The following KYAT3 variants were observed in gnomAD, a reference collection of about 807,000 sequenced individuals.
KYAT3 encodes kynurenine aminotransferase 3.
In KYAT3, 50 loss-of-function variants were observed where a neutral mutation model predicts 59.0. The ratio of observed to expected loss-of-function variants is 0.85; its 90% confidence interval spans 0.68 to 1.07. The LOEUF is 1.07. Among genes scored for constraint, KYAT3 ranks in the 50% least tolerant of loss-of-function variants. The pLI, the probability that KYAT3 is intolerant of heterozygous loss-of-function variation, is 0.00. For missense variants in KYAT3, 497 were observed against 533.3 expected, an observed-to-expected ratio of 0.93 and a Z score of 0.67; for synonymous variants, 148 against 177.0, an observed-to-expected ratio of 0.84 and a Z score of 1.30.
chr1:88,987,029 A>G (rs2101096258), intron 2 of KYAT3, among the ~76,000 whole-genome samples: 1 of 152,368 alleles, frequency 6.6e-6, no homozygotes, highest in Non-Finnish European at 1.5e-5. Flanking sequence ...ACTGCTAGGT[A>G]TGGAGAGGGG....
chr1:88,987,451 T>G (rs1383893119), intron 2 of KYAT3, among the ~76,000 whole-genome samples: 1 of 152,102 alleles, frequency 6.6e-6, no homozygotes, highest in Non-Finnish European at 1.5e-5. Flanking sequence ...CTGAGAAAAT[T>G]TTAAACCAGT....
intron 2 of KYAT3, among the ~76,000 whole-genome samples, chr1:88,973,963 A>G (rs1027528699): frequency 1.3e-5 from 2 of 152,180 alleles, no homozygotes; most frequent in African/African-American, 4.8e-5. Flanking sequence ...GGCTGTGGAT[A>G]TCTGTGTAGT....
chr1:88,981,820 G>C, intron 2 of KYAT3: 1 of 328,396 alleles, frequency 3.0e-6, no homozygotes, highest in Non-Finnish European at 4.4e-6. Flanking sequence ...TCACTTTTTA[G>C]AAGTCATAAG....
chr1:88,985,926 A>G (rs1308768536), intron 2 of KYAT3, among the ~76,000 whole-genome samples: 1 of 152,186 alleles, frequency 6.6e-6, no homozygotes, highest in Non-Finnish European at 1.5e-5. Context: ...CATGCCTGTA[A>G]TCTCAGCACT....
At chr1:88,949,322 T>A in intron 10 of KYAT3, 45 bp from the exon 11 acceptor site, 1 of 1,341,116 alleles carries the variant, frequency 7.5e-7, no homozygotes, top group Non-Finnish European at 1.0e-6. Flanking sequence ...TATGGCAATG[T>A]TATTTATTGC....
chr1:88,968,729 T>C lies in KYAT3; in HGVS notation c.244A>G (p.Lys82Glu), dbSNP rs1185217970. 1.2e-6 allele frequency: 2 copies of C among 1,601,254 alleles called. No individual in the cohort carries two copies. The highest frequency in any genetic ancestry group is 1.7e-6 in the Non-Finnish European group (2 of 1,176,446). ...FPDISPPTYV[K>E]EELSKIAAID... ...GCTGCAATCTTTGATAATTCTTCTT[T>C]TACATATGTAGGAGGGGATATATCT... is the stretch of plus-strand genomic sequence containing the variant. The change falls in exon 4 of 14, where the codon AAA becomes GAA. Residue 82 changes from lysine to glutamate, a missense_variant. By Grantham distance (56) the Lys-to-Glu change is moderately conservative. Around this residue, in one of 2 missense-constraint regions of KYAT3, gnomAD observed 469 missense variants for 479.1 expected, o/e 0.98. Transcript: ENST00000260508.
At chr1:88,960,321 ATTTC>A (rs986768352) in intron 8 of KYAT3, among the ~76,000 whole-genome samples, 1 of 151,950 alleles carries the variant, frequency 6.6e-6, no homozygotes, top group Non-Finnish European at 1.5e-5. Flanking sequence ...TTATTCAACA[ATTTC>A]TTTCTAATTC....
chr1:88,950,299 C>T (rs1675617761), intron 10 of KYAT3, among the ~76,000 whole-genome samples: 1 of 152,054 alleles, frequency 6.6e-6, no homozygotes, highest in Non-Finnish European at 1.5e-5. Context: ...GATTTTATGC[C>T]AAAAGAATGC....
intron 11 of KYAT3, among the ~76,000 whole-genome samples, chr1:88,947,344 T>G (rs565617145): frequency 6.6e-4 from 101 of 152,298 alleles, no homozygotes; most frequent in African/African-American, 2.4e-3. Flanking sequence ...CACCTGCTGG[T>G]TGAGTGTGTA....
In KYAT3 at chr1:88,988,372, T is replaced by C. The variant is rs41288371; in HGVS notation, c.-1-21A>G. ...ACATGCTATTAAATAAAAGAAAAAT[T>C]GAGAAGAGGAATAAATATATGATGG... is the stretch of plus-strand genomic sequence containing the variant. On this transcript the variant is annotated intron_variant, in intron 1 of 13. Transcript: ENST00000260508. 12,883 of 1,463,088 alleles carry C rather than the reference T, an allele frequency of 8.8e-3. 73 individuals are homozygous for C. The highest frequency in any genetic ancestry group is 0.011 in the Non-Finnish European group (10,982 of 1,044,802). The allele number at this position is 1,463,088 out of a possible 1,614,324, so 90.6% of individuals were successfully genotyped here.
chr1:88,955,578 G>A (rs1264551622), intron 8 of KYAT3, among the ~76,000 whole-genome samples: 3 of 152,210 alleles, frequency 2.0e-5, no homozygotes, highest in African/African-American at 7.2e-5. Flanking sequence ...AGCAGTGACT[G>A]CAGGTTCGAT....
At chr1:88,956,882 T>C (rs1203456694) in intron 8 of KYAT3, among the ~76,000 whole-genome samples, 1 of 152,242 alleles carries the variant, frequency 6.6e-6, no homozygotes, top group African/African-American at 2.4e-5. Context: ...AGTAATTTAC[T>C]TGTGAAGTTC....
chr1:88,948,762 C>T (rs1405363140), intron 11 of KYAT3, among the ~76,000 whole-genome samples: 2 of 152,252 alleles, frequency 1.3e-5, no homozygotes, highest in African/African-American at 2.4e-5. Flanking sequence ...AAGGAAACTA[C>T]AATTTTACTC....
chr1:88,955,332 T>A, intron 8 of KYAT3, 107 bp from the exon 9 acceptor site: 1 of 697,310 alleles, frequency 1.4e-6, no homozygotes, highest in Non-Finnish European at 2.4e-6. Context: ...ATAAGTGTGT[T>A]ATAATTTAGC....
the KYAT3 span, among the ~76,000 whole-genome samples, chr1:88,928,524 TC>T: frequency 1.3e-5 from 2 of 152,072 alleles, no homozygotes; most frequent in Non-Finnish European, 2.9e-5. Flanking sequence ...AAAAAGATTG[TC>T]CAAGTAGAAG....
chr1:88,926,105 T>G, the KYAT3 span, among the ~76,000 whole-genome samples: 179 of 152,352 alleles, frequency 1.2e-3, no homozygotes, highest in Middle Eastern at 0.014. Flanking sequence ...GAAACCTCAT[T>G]GTGAGCACAC....
intron 8 of KYAT3, among the ~76,000 whole-genome samples, chr1:88,960,852 C>A (rs1423721754): frequency 6.6e-6 from 1 of 152,206 alleles, no homozygotes; most frequent in African/African-American, 2.4e-5. Context: ...TTTTCAGGCA[C>A]AAGAAAGCTC....
intron 2 of KYAT3, among the ~76,000 whole-genome samples, chr1:88,986,495 T>G (rs980997556): frequency 6.6e-6 from 1 of 151,748 alleles, no homozygotes; most frequent in Non-Finnish European, 1.5e-5. Context: ...TTTTGCCATG[T>G]TGCCCAGGCT....
chr1:88,983,098 G>A, intron 2 of KYAT3: 1 of 1,612,366 alleles, frequency 6.2e-7, no homozygotes, highest in Admixed American at 1.7e-5. Flanking sequence ...CATAATCACG[G>A]TAAGTATAAT....
Sources: gnomAD v4.1 joint callset for allele counts (sites outside exome capture counted in the v4.1 genomes callset) on GRCh38, gnomAD v4.1.1 for gene constraint, gnomAD v4.1.1 regional missense constraint, MANE v1.5 for transcripts, NCBI Gene and HGNC (gene_info 2026-07-23, HGNC 2026-07-21) for gene names.